Variants in SOD2 observed in about 807,000 individuals in gnomAD.
The protein encoded by SOD2 is superoxide dismutase 2, also known as superoxide dismutase [Mn], mitochondrial.
In SOD2, 11 loss-of-function variants were observed where a neutral mutation model predicts 27.0. The ratio of observed to expected loss-of-function variants is 0.41; its 90% confidence interval spans 0.26 to 0.67. The LOEUF (loss-of-function observed/expected upper bound fraction) is 0.67, where lower values mean the gene tolerates loss of function less well. Ranked by LOEUF, SOD2 falls within the 30% of genes least tolerant of loss-of-function variation. SOD2 has a pLI of 0.34. For missense variants in SOD2, 250 were observed against 274.5 expected (o/e 0.91, Z 0.63); for synonymous variants, 105 against 103.0 (o/e 1.02, Z -0.12).
rs114182629 is a variant in SOD2, at chr6:159,683,060, G to A, written c.524-422C>T. Among the ~76,000 whole-genome samples, 216 of 152,278 alleles carry A rather than the reference G, an allele frequency of 1.4e-3. 3 individuals carry two copies. Among genetic ancestry groups the A allele is most frequent in the African/African-American group, 5.0e-3 (207 of 41,552 alleles). On this transcript the variant is annotated intron_variant, in intron 4 of 4. Transcript: ENST00000538183. ...GGTCTGGGCACTCACAGGGGTTTAC[G>A]AGGAACCAGCTCTGCTCCCCAAGGC...
At chr6:159,692,238 C>T in intron 2 of SOD2, 2 of 419,640 alleles carry the variant, frequency 4.8e-6, no homozygotes, top group Non-Finnish European at 3.9e-6. Context: ...CTCAGCCCTC[C>T]TGCAAACGGC....
chr6:159,707,108 C>A (rs1402547887), intron 1 of SOD2, among the ~76,000 whole-genome samples: 2 of 152,072 alleles, frequency 1.3e-5, no homozygotes, highest in Admixed American at 1.3e-4. Flanking sequence ...CTCTGGGACA[C>A]ATTTAAAGCA....
intron 1 of SOD2, chr6:159,742,181 A>C (rs56315277): frequency 0.038 from 57,452 of 1,508,258 alleles, 2,761 homozygotes; most frequent in African/African-American, 0.23. Context: ...AAGACTGAAT[A>C]ATCTCCTTTT....
intron 1 of SOD2, among the ~76,000 whole-genome samples, chr6:159,742,837 C>G (rs1381904058): frequency 6.6e-6 from 1 of 151,782 alleles, no homozygotes. Context: ...GGGAAGATCA[C>G]TTGAGCCCAG....
intron 1 of SOD2, among the ~76,000 whole-genome samples, chr6:159,704,824 G>A (rs542795298): frequency 3.0e-4 from 45 of 152,304 alleles, no homozygotes; most frequent in African/African-American, 9.9e-4. Flanking sequence ...GACAGACCAC[G>A]TCCTCGAGTG....
At chr6:159,726,656 A>C in intron 1 of SOD2, 4 of 688,532 alleles carry the variant, frequency 5.8e-6, no homozygotes, top group Non-Finnish European at 8.4e-6. Flanking sequence ...TAAACCTCAC[A>C]GGGCCGCCTT....
intron 1 of SOD2, among the ~76,000 whole-genome samples, chr6:159,756,789 A>T (rs562748520): frequency 5.3e-5 from 8 of 152,182 alleles, no homozygotes; most frequent in Admixed American, 5.2e-4. Flanking sequence ...ATTTTAGTAG[A>T]GACAAGGCCT....
At chr6:159,702,346 G>C (rs1385476910) in intron 1 of SOD2, among the ~76,000 whole-genome samples, 1 of 151,436 alleles carries the variant, frequency 6.6e-6, no homozygotes, top group Admixed American at 6.6e-5. Context: ...ACCCAGGCTG[G>C]AGTGCAGTGG....
At chr6:159,755,760 C>CTTTT (rs1779984995) in intron 1 of SOD2, 4 of 283,704 alleles carry the variant, frequency 1.4e-5, no homozygotes, top group Admixed American at 1.3e-4. Context: ...TTTTTTTTTT[C>CTTTT]TTTTCTTTTT....
At chr6:159,729,469 T>C (rs1297856546), upstream of SOD2, among the ~76,000 whole-genome samples, 1 of 152,372 alleles carries the variant, frequency 6.6e-6, no homozygotes, top group Admixed American at 6.5e-5. Context: ...AATATATTGC[T>C]GTAAATATTT....
chr6:159,742,759 A>C (rs979620442), intron 1 of SOD2, among the ~76,000 whole-genome samples: 2 of 152,150 alleles, frequency 1.3e-5, no homozygotes, highest in African/African-American at 4.8e-5. Flanking sequence ...AGTCATGAAC[A>C]TTGTGAAAGT....
rs954050446 is a variant in SOD2, at chr6:159,670,220, TG to T, written c.*12272del. On this transcript the variant is annotated 3_prime_UTR_variant, in exon 5 of 5. Transcript: ENST00000538183. ...TGGGGTCTTGCTTTGTTGCCCAGGC[TG>T]GTCTCAAACTCCTGGACTCAAGAGA... 6 of 152,604 alleles carry T rather than the reference TG, an allele frequency of 3.9e-5. No homozygotes were observed. Among genetic ancestry groups the T allele is most frequent in the Middle Eastern group, 3.1e-3 (1 of 318 alleles). 9.5% of individuals were successfully genotyped at this position (152,604 alleles called of 1,614,324 possible).
chr6:159,750,502 A>C (rs1322667071), intron 1 of SOD2, among the ~76,000 whole-genome samples: 1 of 152,246 alleles, frequency 6.6e-6, no homozygotes, highest in Non-Finnish European at 1.5e-5. Context: ...CTCCAAGAGC[A>C]GTAACTGCTA....
In SOD2 at chr6:159,680,507, A is replaced by G. The variant is rs1779901026; in HGVS notation, c.*1986T>C. The G allele has an allele frequency of 6.6e-6, 1 of 152,194 alleles. No individual in the cohort carries two copies. Among genetic ancestry groups the G allele is most frequent in the South Asian group, 2.1e-4 (1 of 4,838 alleles). The allele number at this position is 152,194 out of a possible 1,614,324, so 9.4% of individuals were successfully genotyped here. A position where few individuals can be genotyped will look rare whatever the true frequency, so the allele number is the denominator to read the frequency against. On this transcript the variant is annotated 3_prime_UTR_variant, in exon 5 of 5. Coordinates refer to ENST00000538183, the MANE Select transcript of SOD2 (RefSeq NM_000636.4). ...AGTACCTTGAATTTAAATTTTTTTT[A>G]AACTTCAGTCTTCAATATTGAAACT...
At chr6:159,712,035 A>T (rs112266127) in intron 1 of SOD2, among the ~76,000 whole-genome samples, 2,579 of 19,462 alleles carry the variant, frequency 0.13, 392 homozygotes, top group Admixed American at 0.2. Context: ...CACACTGCTC[A>T]GACCTCCATA....
intron 1 of SOD2, chr6:159,727,027 G>A (rs1160188507): frequency 7.3e-6 from 9 of 1,233,810 alleles, no homozygotes; most frequent in African/African-American, 1.6e-5. Context: ...CCCCGCAGCC[G>A]CAGGTGGCCC....
upstream of SOD2, among the ~76,000 whole-genome samples, chr6:159,747,090 T>G (rs866266728): frequency 1.3e-5 from 2 of 152,222 alleles, no homozygotes; most frequent in African/African-American, 2.4e-5. Flanking sequence ...TTTGTTCCTT[T>G]TACTAAATTT....
intron 1 of SOD2, among the ~76,000 whole-genome samples, chr6:159,738,236 A>T (rs756782679): frequency 8.5e-5 from 13 of 152,136 alleles, no homozygotes; most frequent in Non-Finnish European, 1.6e-4. Flanking sequence ...AGCCACATCT[A>T]CCCCGTCCCT....
rs1321047227 is a variant in SOD2 at position 159,759,664 on chromosome 6, G to A, written c.-336+1373C>T. On this transcript the variant is annotated intron_variant, in intron 1 of 7. Coordinates refer to the SOD2 transcript ENST00000546087. ...CAGCCTGGGTGACAGAGCGAGCTCCGTCTCAAAAAAAAAAAAAAAATTCCT... is the reference window on the plus strand; with the variant it reads ...CAGCCTGGGTGACAGAGCGAGCTCCATCTCAAAAAAAAAAAAAAAATTCCT... Among the ~76,000 whole-genome samples the A allele has an allele frequency of 8.3e-5, 12 of 144,194 alleles. 1 individual carries two copies. The highest frequency in any genetic ancestry group is 4.1e-4 in the East Asian group (2 of 4,890). 94.6% of individuals were successfully genotyped at this position (144,194 alleles called of 152,430 possible).
Sources: gnomAD v4.1 joint callset for allele counts (sites outside exome capture counted in the v4.1 genomes callset) on GRCh38, gnomAD v4.1.1 for gene constraint, MANE v1.5 for transcripts, NCBI Gene and HGNC (gene_info 2026-07-23, HGNC 2026-07-21) for gene names.